KCNQ1: variants seen among roughly 807,000 people sequenced by gnomAD.
The protein encoded by KCNQ1 is potassium voltage-gated channel subfamily KQT member 1.
Under a neutral mutation model 72.4 loss-of-function variants are expected in KCNQ1, and 49 were observed. The ratio of observed to expected loss-of-function variants is 0.68; its 90% CI spans 0.54 to 0.86. The LOEUF (loss-of-function observed/expected upper bound fraction) is 0.86, where lower values mean the gene tolerates loss of function less well. Ranked by LOEUF, KCNQ1 falls within the 40% of genes least tolerant of loss-of-function variation. KCNQ1 has a pLI of 0.00. For missense variants in KCNQ1, 790 were observed against 945.1 expected (o/e 0.84, Z 2.15); for synonymous variants, 450 against 412.6 (o/e 1.09, Z -1.10).
At position 2,647,288 on chromosome 11, in the gene KCNQ1, T is replaced by G; in HGVS notation, c.1394-14673T>G. On this transcript the variant is annotated intron_variant, in intron 10 of 15. Transcript: ENST00000155840. The surrounding 1 kb of genome is among the most constrained non-coding windows in gnomAD (Gnocchi z 4.0). ...GTGATGTATCACATTTATTGATTTGTATATGTTGAACCATCCTTGAATCCC... is the reference window on the plus strand; with the variant it reads ...GTGATGTATCACATTTATTGATTTGGATATGTTGAACCATCCTTGAATCCC... The G allele has an allele frequency of 2.5e-6, 1 of 398,564 alleles. No homozygotes were observed. The allele number at this position is 398,564 out of a possible 1,614,324, so 24.7% of individuals were successfully genotyped here.
At chr11:2,721,058 T>G (rs1851194122) in intron 11 of KCNQ1, among the ~76,000 whole-genome samples, 1 of 152,168 alleles carries the variant, frequency 6.6e-6, no homozygotes, top group African/African-American at 2.4e-5. Context: ...AAAGGGTATT[T>G]GTTTCTTAAA....
rs1850587021 is a variant in KCNQ1, at chr11:2,691,507, G to A, written c.1514+29426G>A. Reference sequence around the variant, plus strand: ...TCAGCCTATTCAAGGCCATTTTTCAGCTTGCTTGGCTTTGCATTAAAGTTG... The same window carrying A: ...TCAGCCTATTCAAGGCCATTTTTCAACTTGCTTGGCTTTGCATTAAAGTTG... On this transcript the variant is annotated intron_variant, in intron 11 of 15. Coordinates refer to ENST00000155840, the MANE Select transcript of KCNQ1 (RefSeq NM_000218.3). This position sits in a 1 kb window ranked among gnomAD's most constrained non-coding sequence, Gnocchi z 6.4. 2.5e-6 allele frequency: 1 copy of A among 397,850 alleles called. No homozygotes were observed. Among genetic ancestry groups the A allele is most frequent in the East Asian group, 3.6e-5 (1 of 28,076 alleles). The allele number at this position is 397,850 out of a possible 1,614,324, so 24.6% of individuals were successfully genotyped here.
rs1168203134 is a variant in KCNQ1, at chr11:2,515,391, G to A, written c.387-12537G>A. Among the ~76,000 whole-genome samples the A allele has an allele frequency of 8.5e-6, 1 of 117,566 alleles. No individual in the cohort carries two copies. The highest frequency in any genetic ancestry group is 2.5e-5 in the African/African-American group (1 of 39,652). The allele number at this position is 117,566 out of a possible 152,430, so 77.1% of individuals were successfully genotyped here. On this transcript the variant is annotated intron_variant, in intron 1 of 15. Transcript: ENST00000155840. This position sits in a 1 kb window ranked among gnomAD's most constrained non-coding sequence, Gnocchi z 4.7. Reference sequence around the variant, plus strand: ...TTGGAGGCTTTAACGCCTGCCCTGTGTGAGGGAGGGCGGAGCCCCTGGCCC... The same window carrying A: ...TTGGAGGCTTTAACGCCTGCCCTGTATGAGGGAGGGCGGAGCCCCTGGCCC...
intron 15 of KCNQ1, among the ~76,000 whole-genome samples, chr11:2,795,843 G>T (rs1847117550): frequency 6.6e-6 from 1 of 152,186 alleles, no homozygotes; most frequent in Non-Finnish European, 1.5e-5. Context: ...TCCCCTGAGT[G>T]CCTCCACAAG....
intron 1 of KCNQ1, among the ~76,000 whole-genome samples, chr11:2,476,799 C>A (rs992809887): frequency 9.2e-5 from 14 of 152,276 alleles, no homozygotes; most frequent in Middle Eastern, 3.4e-3. Flanking sequence ...CGCTCCTCCC[C>A]CCTCAGCCTC....
At chr11:2,454,313 C>T (rs1419441436) in intron 1 of KCNQ1, among the ~76,000 whole-genome samples, 3 of 152,004 alleles carry the variant, frequency 2.0e-5, no homozygotes, top group South Asian at 2.1e-4. Context: ...CAATAGCTTG[C>T]GTAATTTTTA....
At chr11:2,632,118 G>A in intron 10 of KCNQ1, 1 of 391,282 alleles carries the variant, frequency 2.6e-6, no homozygotes, top group Non-Finnish European at 4.4e-6. Context: ...GGGAGGCAGA[G>A]CTTGCAGTGA....
chr11:2,587,518 C>A, intron 8 of KCNQ1, 52 bp from the exon 9 acceptor site: 3 of 1,611,500 alleles, frequency 1.9e-6, no homozygotes, highest in East Asian at 2.2e-5. Flanking sequence ...TCCATAAGGG[C>A]CCCCGCCGGG....
rs1229828084 is a variant in KCNQ1, at chr11:2,803,806, A to G, written c.1794+25769A>G. 6.6e-6 allele frequency among the ~76,000 whole-genome samples: 1 copy of G among 151,870 alleles called. No homozygotes were observed. Among genetic ancestry groups the G allele is most frequent in the East Asian group, 1.9e-4 (1 of 5,166 alleles). On this transcript the variant is annotated intron_variant, in intron 15 of 15. Coordinates refer to ENST00000155840, the MANE Select transcript of KCNQ1 (RefSeq NM_000218.3). This position sits in a 1 kb window ranked among gnomAD's most constrained non-coding sequence, Gnocchi z 6.4. ...CCCCTCTCATCCCCACCTCGGGCCC[A>G]CCAGCTCCCACCCTGCTATGCCCAT...
chr11:2,662,700 C>T (rs1849987033), intron 11 of KCNQ1: 2 of 402,434 alleles, frequency 5.0e-6, no homozygotes, highest in Non-Finnish European at 8.8e-6. Context: ...GACAGCCGTG[C>T]AGCGGGGTCA....
intron 6 of KCNQ1, among the ~76,000 whole-genome samples, chr11:2,577,513 G>A (rs1454088970): frequency 6.6e-6 from 1 of 152,186 alleles, no homozygotes; most frequent in Non-Finnish European, 1.5e-5. Context: ...CCACCAGCCC[G>A]TGTGTGGGGC....
rs1436752132 is a variant in KCNQ1, at chr11:2,734,333, G to T, written c.1515-34511G>T. Among the ~76,000 whole-genome samples, 1 of 152,262 alleles carries T rather than the reference G, an allele frequency of 6.6e-6. No homozygotes were observed. The highest frequency in any genetic ancestry group is 1.5e-5 in the Non-Finnish European group (1 of 68,052). Reference sequence around the variant, plus strand: ...AGAAGGCTGGACTTTCCGTGAGGTGGCGGGGAGCACCAAGGGTAGAGGCAG... The same window carrying T: ...AGAAGGCTGGACTTTCCGTGAGGTGTCGGGGAGCACCAAGGGTAGAGGCAG... On this transcript the variant is annotated intron_variant, in intron 11 of 15. Transcript: ENST00000155840. This position sits in a 1 kb window ranked among gnomAD's most constrained non-coding sequence, Gnocchi z 7.0.
In KCNQ1 at chr11:2,735,020, G is replaced by T. The variant is rs935316035; in HGVS notation, c.1515-33824G>T. Among the ~76,000 whole-genome samples, 1 of 152,080 alleles carries T rather than the reference G, an allele frequency of 6.6e-6. No individual in the cohort carries two copies. Among genetic ancestry groups the T allele is most frequent in the Non-Finnish European group, 1.5e-5 (1 of 67,998 alleles). ...CCCAGGCTGGTGGGGTAAGCGCCTC[G>T]GAGGGCACACTAACAAGAGGCACAT... On this transcript the variant is annotated intron_variant, in intron 11 of 15. Coordinates refer to ENST00000155840, the MANE Select transcript of KCNQ1 (RefSeq NM_000218.3). This position sits in a 1 kb window ranked among gnomAD's most constrained non-coding sequence, Gnocchi z 7.7.
At chr11:2,717,995 C>T (rs553802127) in intron 11 of KCNQ1, among the ~76,000 whole-genome samples, 8 of 152,340 alleles carry the variant, frequency 5.3e-5, no homozygotes, top group African/African-American at 1.4e-4. Flanking sequence ...GCGAAAGCTG[C>T]GTCTGTCGCA....
rs77046859 is a variant in KCNQ1 at position 2,551,844 on chromosome 11, T to C, written c.478-18784T>C. Among the ~76,000 whole-genome samples, 119 of 152,350 alleles carry C rather than the reference T, an allele frequency of 7.8e-4. 1 individual carries two copies. In the East Asian group the frequency reaches 0.02, roughly 26 times the overall value. ...ATGGTCTTCATTTGCATTTCCCTAG[T>C]GACGAATGGTGTTGGGCATATTTGC... On this transcript the variant is annotated intron_variant, in intron 2 of 15. Transcript: ENST00000155840.
At position 2,473,670 on chromosome 11, in the gene KCNQ1, C is replaced by T. The variant is rs540563978; in HGVS notation, c.386+28186C>T. On this transcript the variant is annotated intron_variant, in intron 1 of 15. Transcript: ENST00000155840. The surrounding 1 kb of genome is among the most constrained non-coding windows in gnomAD (Gnocchi z 6.0). ...GGGCCTCAGTTGGCCTGGCCTGGCG[C>T]GGGGCTGCCAGCCAAGAGCCTTCCT... Among the ~76,000 whole-genome samples, 12 of 152,292 alleles carry T rather than the reference C, an allele frequency of 7.9e-5. No individual in the cohort carries two copies. The highest frequency in any genetic ancestry group is 1.2e-4 in the Non-Finnish European group (8 of 68,006).
chr11:2,655,971 T>C (rs1220267177), intron 10 of KCNQ1: 9 of 398,602 alleles, frequency 2.3e-5, no homozygotes, highest in Admixed American at 4.4e-5. Context: ...CCACCCACTC[T>C]GGGCAGCCAA....
chr11:2,510,585 G>C (rs1195727752), intron 1 of KCNQ1, among the ~76,000 whole-genome samples: 4 of 152,240 alleles, frequency 2.6e-5, no homozygotes, highest in Non-Finnish European at 4.4e-5. Context: ...CAGTCTGGGT[G>C]TCAGAACCAG....
At chr11:2,776,546 G>A (rs1846705501) in intron 13 of KCNQ1, among the ~76,000 whole-genome samples, 1 of 152,190 alleles carries the variant, frequency 6.6e-6, no homozygotes, top group Admixed American at 6.5e-5. Context: ...GAGCTAATGT[G>A]TTCCCATGGA....
Sources: allele counts gnomAD v4.1 joint callset (sites outside exome capture counted in the v4.1 genomes callset), GRCh38; gene constraint gnomAD v4.1.1; non-coding constraint Gnocchi (gnomAD v3.1); transcripts MANE v1.5; gene names NCBI Gene and HGNC (gene_info 2026-07-23, HGNC 2026-07-21).